The following WWP1 variants were observed in gnomAD, a reference collection of about 807,000 sequenced individuals.
The protein encoded by WWP1 is NEDD4-like E3 ubiquitin-protein ligase WWP1.
In WWP1, 49 loss-of-function variants were observed where a neutral mutation model predicts 130.6. The observed-to-expected ratio is 0.38, with a 90% CI of 0.30 to 0.48. The LOEUF (loss-of-function observed/expected upper bound fraction) is 0.48. WWP1 is among the 20% of genes least tolerant of loss of function. The pLI, the probability that WWP1 is intolerant of heterozygous loss-of-function variation, is 0.99. For missense variants in WWP1, 809 were observed against 1,100.6 expected (o/e 0.74, Z 3.75); for synonymous variants, 332 against 367.8 (o/e 0.90, Z 1.11).
intron 1 of WWP1, among the ~76,000 whole-genome samples, chr8:86,366,767 A>C (rs1823998415): frequency 6.6e-6 from 1 of 152,182 alleles, no homozygotes; most frequent in South Asian, 2.1e-4. Flanking sequence ...CCCAGGATGC[A>C]AGTTTAAAAC....
chr8:86,401,975 T>A, intron 7 of WWP1, 44 bp from the exon 8 acceptor site: 1 of 1,421,846 alleles, frequency 7.0e-7, no homozygotes, highest in Non-Finnish European at 9.3e-7. Context: ...GAAATGTTGT[T>A]GAATTATACT....
At chr8:86,357,176 G>A (rs1051325471) in intron 1 of WWP1, among the ~76,000 whole-genome samples, 1 of 152,238 alleles carries the variant, frequency 6.6e-6, no homozygotes, top group Non-Finnish European at 1.5e-5. Flanking sequence ...TTATCAATAT[G>A]TTCTATGTTC....
chr8:86,432,569 C>T (rs1810044669), intron 14 of WWP1, among the ~76,000 whole-genome samples: 1 of 148,650 alleles, frequency 6.7e-6, no homozygotes, highest in East Asian at 2.0e-4. Flanking sequence ...AAAGAAATTA[C>T]AACTCTTCCC....
chr8:86,458,067 T>G, intron 22 of WWP1, 42 bp downstream of exon 22: 1 of 1,500,822 alleles, frequency 6.7e-7, no homozygotes, highest in Non-Finnish European at 9.2e-7. Flanking sequence ...ACTCAACATA[T>G]TTTCTAATGA....
Position 86,342,788 on chromosome 8 carries a change from G to A in WWP1, c.-257G>A. ...GTGGCTGCTGGCGGCCTGGGCTGCC[G>A]GGGCCGACGCCTGGGTGGCTGCTGC... On this transcript the variant is annotated 5_prime_UTR_variant, in exon 1 of 25. Coordinates refer to ENST00000517970, the MANE Select transcript of WWP1 (RefSeq NM_007013.4). 2.7e-6 allele frequency: 1 copy of A among 368,314 alleles called. No individual in the cohort carries two copies. Among genetic ancestry groups the A allele is most frequent in the Non-Finnish European group, 4.8e-6 (1 of 206,462 alleles). The allele number at this position is 368,314 out of a possible 1,614,324, so 22.8% of individuals were successfully genotyped here.
chr8:86,388,797 A>G (rs1825437015), intron 5 of WWP1, among the ~76,000 whole-genome samples: 1 of 152,182 alleles, frequency 6.6e-6, no homozygotes, highest in African/African-American at 2.4e-5. Flanking sequence ...TAAGATTTTA[A>G]AAGTTTTTCA....
At chr8:86,361,843 C>T (rs1191082960) in intron 1 of WWP1, among the ~76,000 whole-genome samples, 1 of 151,856 alleles carries the variant, frequency 6.6e-6, no homozygotes, top group Non-Finnish European at 1.5e-5. Flanking sequence ...TGTCAATGAA[C>T]TTAAAATTGA....
intron 10 of WWP1, among the ~76,000 whole-genome samples, chr8:86,425,977 C>T (rs111957940): frequency 0.02 from 3,064 of 152,300 alleles, 51 homozygotes; most frequent in Middle Eastern, 0.065. Context: ...ATATTTCTTA[C>T]ATACTCAGAT....
intron 23 of WWP1, 96 bp downstream of exon 23, chr8:86,461,416 C>A (rs1045527317): frequency 4.6e-6 from 5 of 1,075,642 alleles, no homozygotes; most frequent in Middle Eastern, 2.0e-4. Context: ...AAAGATTACT[C>A]TTCTGTGCTG....
At chr8:86,359,872 A>AC (rs1406567779) in intron 1 of WWP1, among the ~76,000 whole-genome samples, 1 of 152,062 alleles carries the variant, frequency 6.6e-6, no homozygotes, top group African/African-American at 2.4e-5. Context: ...ACAAAGTGAA[A>AC]CCCCGTCTCT....
intron 9 of WWP1, among the ~76,000 whole-genome samples, chr8:86,419,839 T>A (rs1239654350): frequency 6.6e-6 from 1 of 152,170 alleles, no homozygotes; most frequent in Non-Finnish European, 1.5e-5. Flanking sequence ...TTTCAGCGAT[T>A]GAAAAAGCAG....
intron 18 of WWP1, among the ~76,000 whole-genome samples, chr8:86,445,947 A>AAGTCTTTTCT (rs1563540734): frequency 1.8e-5 from 2 of 109,800 alleles, no homozygotes; most frequent in Admixed American, 8.1e-5. Context: ...GGCTGCTTAT[A>AAGTCTTTTCT]TGTCTTTTCT....
chr8:86,416,216 T>G (rs1808879964), intron 9 of WWP1, among the ~76,000 whole-genome samples: 1 of 152,204 alleles, frequency 6.6e-6, no homozygotes, highest in South Asian at 2.1e-4. Context: ...GGAGGAAGTG[T>G]GATAGAGGAC....
chr8:86,416,577 C>CT (rs561660860), intron 9 of WWP1, among the ~76,000 whole-genome samples: 8,240 of 140,398 alleles, frequency 0.059, 307 homozygotes, highest in Non-Finnish European at 0.091. Context: ...TTCCACATTT[C>CT]TTTTTTTTTT....
At chr8:86,359,592 T>G (rs1250622742) in intron 1 of WWP1, among the ~76,000 whole-genome samples, 1 of 152,116 alleles carries the variant, frequency 6.6e-6, no homozygotes, top group Non-Finnish European at 1.5e-5. Flanking sequence ...TTTTCAAAGA[T>G]AAGCATTCTT....
At chr8:86,428,342 C>G (rs1277943503) in intron 11 of WWP1, among the ~76,000 whole-genome samples, 1 of 152,118 alleles carries the variant, frequency 6.6e-6, no homozygotes, top group Non-Finnish European at 1.5e-5. Flanking sequence ...TGGTGATTTA[C>G]TTATTGCCAT....
chr8:86,450,200 T>C (rs189381295), intron 20 of WWP1, among the ~76,000 whole-genome samples: 35 of 152,318 alleles, frequency 2.3e-4, no homozygotes, highest in African/African-American at 8.4e-4. Context: ...TGTACCCTTC[T>C]TAGCTTGGCA....
intron 5 of WWP1, among the ~76,000 whole-genome samples, chr8:86,388,347 T>G (rs1242942494): frequency 6.6e-6 from 1 of 152,074 alleles, no homozygotes; most frequent in Non-Finnish European, 1.5e-5. Context: ...CTCCAACTCC[T>G]GGACTCAAGC....
At chr8:86,384,420 G>C (rs1825166835) in intron 5 of WWP1, among the ~76,000 whole-genome samples, 1 of 152,068 alleles carries the variant, frequency 6.6e-6, no homozygotes, top group African/African-American at 2.4e-5. Flanking sequence ...ATTAAAATTA[G>C]ATTTTAATTT....
Sources: allele counts gnomAD v4.1 joint callset (sites outside exome capture counted in the v4.1 genomes callset), GRCh38; gene constraint gnomAD v4.1.1; transcripts MANE v1.5; gene names NCBI Gene and HGNC (gene_info 2026-07-23, HGNC 2026-07-21).